FAM184B: variants seen among roughly 807,000 people sequenced by gnomAD.
FAM184B encodes family with sequence similarity 184 member B.
In FAM184B, 111 loss-of-function variants were observed where a neutral mutation model predicts 135.9. The ratio of observed to expected loss-of-function variants is 0.82; its 90% CI spans 0.70 to 0.96. The LOEUF (loss-of-function observed/expected upper bound fraction) is 0.96. Among genes scored for constraint, FAM184B ranks in the 40% least tolerant of loss-of-function variants. The pLI is 0.00. For synonymous variants in FAM184B, 552 were observed against 524.8 expected (o/e 1.05, Z -0.71); for missense variants, 1,375 against 1,323.9 (o/e 1.04, Z -0.60).
intron 14 of FAM184B, among the ~76,000 whole-genome samples, chr4:17,636,932 C>A (rs1017122442): frequency 3.3e-5 from 5 of 152,224 alleles, no homozygotes; most frequent in African/African-American, 1.2e-4. Flanking sequence ...GCTGGGAGAA[C>A]AGACCAGGGC....
chr4:17,781,096 C>T lies in FAM184B; in HGVS notation c.141+63G>A, dbSNP rs1054433861. 2 of 1,475,426 alleles carry T rather than the reference C, an allele frequency of 1.4e-6. No individual in the cohort carries two copies. The highest frequency in any genetic ancestry group is 2.9e-5 in the African/African-American group (2 of 68,900). 91.4% of individuals were successfully genotyped at this position (1,475,426 alleles called of 1,614,324 possible). On this transcript the variant is annotated intron_variant, in intron 1 of 17. Coordinates refer to ENST00000265018, the MANE Select transcript of FAM184B (RefSeq NM_015688.2). The surrounding 1 kb of genome is among the most constrained non-coding windows in gnomAD (Gnocchi z 6.5). ...CCGGGCCTCCCGGGAGGCGCATCCG[C>T]ACTGACTCCCGGCTCGGGCGCCCCG...
intron 7 of FAM184B, among the ~76,000 whole-genome samples, chr4:17,682,842 C>A (rs1312618678): frequency 3.9e-5 from 6 of 152,260 alleles, no homozygotes; most frequent in Admixed American, 2.0e-4. Context: ...TGCAGAACAG[C>A]TACTGGCCTA....
chr4:17,764,846 C>T (rs1203748216), intron 1 of FAM184B, among the ~76,000 whole-genome samples: 1 of 148,386 alleles, frequency 6.7e-6, no homozygotes, highest in African/African-American at 2.6e-5. Context: ...AGGAGGATCA[C>T]TTGAGTCCAG....
At chr4:17,634,063 G>A (rs773533125) in intron 16 of FAM184B, 175 bp from the exon 17 acceptor site, 3 of 477,640 alleles carry the variant, frequency 6.3e-6, no homozygotes, top group Non-Finnish European at 1.1e-5. Context: ...TCTTCATTTT[G>A]TATTATAAAT....
intron 1 of FAM184B, among the ~76,000 whole-genome samples, chr4:17,760,460 A>G (rs1473059494): frequency 6.7e-6 from 1 of 148,918 alleles, no homozygotes; most frequent in African/African-American, 2.5e-5. Context: ...ACAGAGCAAG[A>G]CTCCATCTCA....
At chr4:17,671,111 C>T (rs545551143) in intron 7 of FAM184B, among the ~76,000 whole-genome samples, 1 of 152,236 alleles carries the variant, frequency 6.6e-6, no homozygotes, top group Non-Finnish European at 1.5e-5. Flanking sequence ...AAGGCTCCTG[C>T]ACCCCAGGAG....
intron 1 of FAM184B, among the ~76,000 whole-genome samples, chr4:17,762,752 G>A (rs1251467311): frequency 6.6e-6 from 1 of 152,186 alleles, no homozygotes; most frequent in African/African-American, 2.4e-5. Context: ...ATGCCTATAA[G>A]ACACCTCTTT....
chr4:17,708,742 G>GTGTGTT (rs1717177428), intron 2 of FAM184B, 150 bp downstream of exon 2: 4 of 459,192 alleles, frequency 8.7e-6, no homozygotes, highest in Middle Eastern at 6.1e-4. Flanking sequence ...GTGTGTGTGT[G>GTGTGTT]TAATGAATGT....
intron 10 of FAM184B, among the ~76,000 whole-genome samples, chr4:17,653,310 C>A (rs2108938022): frequency 6.6e-6 from 1 of 152,258 alleles, no homozygotes. Context: ...GACTCTGTGG[C>A]TCCAAATTTA....
chr4:17,642,144 T>C lies in FAM184B; in HGVS notation c.2431A>G (p.Asn811Asp). Residue 811 changes from asparagine to aspartate, a missense_variant, in exon 13 of 18, where the codon AAC (asparagine) becomes GAC (aspartate). Transcript: ENST00000265018. ...CGCACCGCGTCCTGGAGCTGCGCGT[T>C]CTCCTCCCAGAGCCCGCATCCCTCG... ...SGEGCGLWEENAQLQDAVRRL... is the reference protein window; with the variant it reads ...SGEGCGLWEEDAQLQDAVRRL... 1 of 1,533,464 alleles carries C rather than the reference T, an allele frequency of 6.5e-7. No homozygotes were observed. Among genetic ancestry groups the C allele is most frequent in the Non-Finnish European group, 8.7e-7 (1 of 1,145,492 alleles). 95.0% of individuals were successfully genotyped at this position (1,533,464 alleles called of 1,614,324 possible).
In FAM184B at chr4:17,781,219, T is replaced by C. The variant is rs1183213703; in HGVS notation, c.81A>G (p.Arg27=). The C allele has an allele frequency of 6.4e-7, 1 of 1,550,816 alleles. No individual in the cohort carries two copies. The highest frequency in any genetic ancestry group is 8.7e-7 in the Non-Finnish European group (1 of 1,146,622). ...GSKADGGAGW[R]MDCDPQMHVK... The stretch of plus-strand genomic sequence containing the variant: ...CGTGCATCTGGGGATCACAGTCCAT[T>C]CTCCAGCCGGCGCCACCGTCGGCTT... Residue 27 remains arginine, a synonymous_variant, in exon 1 of 18, where the codon AGA becomes AGG. Transcript: ENST00000265018. The surrounding 1 kb of genome is among the most constrained non-coding windows in gnomAD (Gnocchi z 6.5).
At position 17,738,990 on chromosome 4, in the gene FAM184B, T is replaced by A. The variant is rs6834358; in HGVS notation, c.142-29346A>T. Among the ~76,000 whole-genome samples the A allele has an allele frequency of 8.1e-3, 1,236 of 152,300 alleles. 19 individuals are homozygous for A. The highest frequency in any genetic ancestry group is 0.027 in the African/African-American group (1,132 of 41,556). On this transcript the variant is annotated intron_variant, in intron 1 of 17. Coordinates refer to ENST00000265018, the MANE Select transcript of FAM184B (RefSeq NM_015688.2). ...CTTTTACCAGATGCCCAGTCTTCCA[T>A]CCAGCAGAATCATGAGCCAAATAAA...
chr4:17,652,109 A>G (rs1353437949), intron 11 of FAM184B, among the ~76,000 whole-genome samples: 1 of 151,120 alleles, frequency 6.6e-6, no homozygotes, highest in East Asian at 2.0e-4. Context: ...GTTATATGCT[A>G]GACACTTTAT....
chr4:17,777,968 G>C (rs1325536505), intron 1 of FAM184B, among the ~76,000 whole-genome samples: 1 of 152,034 alleles, frequency 6.6e-6, no homozygotes, highest in African/African-American at 2.4e-5. Flanking sequence ...GGGCATGGTG[G>C]CTCATGCTTG....
intron 14 of FAM184B, among the ~76,000 whole-genome samples, chr4:17,637,800 G>C (rs1195951321): frequency 6.6e-6 from 1 of 152,146 alleles, no homozygotes; most frequent in Non-Finnish European, 1.5e-5. Context: ...CATCCTAAAT[G>C]GTCTTGCTAG....
At chr4:17,735,694 AT>A (rs1217080698) in intron 1 of FAM184B, among the ~76,000 whole-genome samples, 1 of 152,120 alleles carries the variant, frequency 6.6e-6, no homozygotes, top group East Asian at 1.9e-4. Flanking sequence ...ATTGCTCCCT[AT>A]CTCATTTCAG....
chr4:17,713,065 T>G (rs1717320953), intron 1 of FAM184B, among the ~76,000 whole-genome samples: 1 of 152,168 alleles, frequency 6.6e-6, no homozygotes, highest in African/African-American at 2.4e-5. Context: ...TAGCCATCAG[T>G]TTTTTGTCTG....
At chr4:17,775,266 A>G (rs1718903424) in intron 1 of FAM184B, among the ~76,000 whole-genome samples, 1 of 151,980 alleles carries the variant, frequency 6.6e-6, no homozygotes, top group Non-Finnish European at 1.5e-5. Context: ...GCTCACTGCA[A>G]CTTCTGCCTC....
At chr4:17,727,614 G>A (rs898139617) in intron 1 of FAM184B, among the ~76,000 whole-genome samples, 4 of 152,078 alleles carry the variant, frequency 2.6e-5, no homozygotes, top group African/African-American at 9.7e-5. Context: ...TGAGTTCAGG[G>A]GAAATTGCCA....
Sources: gnomAD v4.1 joint callset for allele counts (sites outside exome capture counted in the v4.1 genomes callset) on GRCh38, gnomAD v4.1.1 for gene constraint, Gnocchi (gnomAD v3.1) non-coding constraint, MANE v1.5 for transcripts, NCBI Gene and HGNC (gene_info 2026-07-23, HGNC 2026-07-21) for gene names.